ASTN2: variants seen among roughly 807,000 people sequenced by gnomAD.
ASTN2 encodes the protein astrotactin-2.
In ASTN2, 54 loss-of-function variants were observed where a neutral mutation model predicts 139.8. The observed-to-expected ratio is 0.39, with a 90% CI of 0.31 to 0.48. The LOEUF (loss-of-function observed/expected upper bound fraction) is 0.48. Ranked by LOEUF, ASTN2 falls within the 20% of genes least tolerant of loss-of-function variation. The pLI, the probability that ASTN2 is intolerant of heterozygous loss-of-function variation, is 0.95. For synonymous variants in ASTN2, 756 were observed against 719.5 expected, an observed-to-expected ratio of 1.05 and a Z score of -0.81; for missense variants, 1,565 against 1,725.1, an observed-to-expected ratio of 0.91 and a Z score of 1.64.
At chr9:117,069,386 A>G (rs202153034) in intron 5 of ASTN2, among the ~76,000 whole-genome samples, 11,732 of 49,490 alleles carry the variant, frequency 0.24, 159 homozygotes, top group East Asian at 0.31. Context: ...GTTTGTTATA[A>G]TTTCTGTTCT....
chr9:116,722,891 C>T (rs1351612457), intron 16 of ASTN2, among the ~76,000 whole-genome samples: 2 of 152,114 alleles, frequency 1.3e-5, no homozygotes, highest in Non-Finnish European at 2.9e-5. Context: ...AGAGGCTGGG[C>T]GCTGTGGCTT....
intron 13 of ASTN2, among the ~76,000 whole-genome samples, chr9:116,780,586 G>C (rs897828003): frequency 2.0e-5 from 3 of 152,156 alleles, no homozygotes; most frequent in Non-Finnish European, 4.4e-5. Context: ...GGGGAGAAGA[G>C]AGAAGGCTGT....
chr9:117,384,285 T>C (rs1298680622), intron 1 of ASTN2, among the ~76,000 whole-genome samples: 1 of 152,180 alleles, frequency 6.6e-6, no homozygotes, highest in Non-Finnish European at 1.5e-5. Context: ...GAAAGTGAGG[T>C]GGTTGATTAG....
At chr9:117,352,257 T>C (rs1829414466) in intron 1 of ASTN2, among the ~76,000 whole-genome samples, 1 of 152,188 alleles carries the variant, frequency 6.6e-6, no homozygotes, top group Admixed American at 6.5e-5. Flanking sequence ...TATGACTTCA[T>C]CTACCTTTAA....
At position 116,509,062 on chromosome 9, in the gene ASTN2, G is replaced by A. The variant is rs557205189; in HGVS notation, c.3356-21562C>T. On this transcript the variant is annotated intron_variant, in intron 19 of 22. Transcript: ENST00000313400. Reference sequence around the variant, plus strand: ...CTAGGGTACATGCGTACAACGTGCAGGTTAGTTACATATGTATACATGTGC... The same window carrying A: ...CTAGGGTACATGCGTACAACGTGCAAGTTAGTTACATATGTATACATGTGC... 4.6e-5 allele frequency among the ~76,000 whole-genome samples: 7 copies of A among 152,188 alleles called. No homozygotes were observed. In the East Asian group the frequency reaches 1.4e-3, roughly 29 times the overall value.
At chr9:117,294,735 A>C (rs1834685824) in intron 1 of ASTN2, among the ~76,000 whole-genome samples, 6 of 152,164 alleles carry the variant, frequency 3.9e-5, no homozygotes, top group Admixed American at 3.3e-4. Context: ...TATCGGGACT[A>C]TCTTCTACCA....
chr9:117,104,310 G>A (rs1282085049), intron 4 of ASTN2, among the ~76,000 whole-genome samples: 2 of 152,092 alleles, frequency 1.3e-5, no homozygotes, highest in Non-Finnish European at 2.9e-5. Context: ...TCTTTCATAA[G>A]ACCATTGAAA....
At chr9:116,837,513 C>A (rs1192589512) in intron 11 of ASTN2, among the ~76,000 whole-genome samples, 1 of 152,200 alleles carries the variant, frequency 6.6e-6, no homozygotes, top group Non-Finnish European at 1.5e-5. Context: ...TACTGTGAAC[C>A]TGCTCTTTGC....
At chr9:117,132,405 C>T (rs1249088064) in intron 4 of ASTN2, among the ~76,000 whole-genome samples, 1 of 134,114 alleles carries the variant, frequency 7.5e-6, no homozygotes, top group East Asian at 2.3e-4. Flanking sequence ...GCTAACATAG[C>T]ATTATTACCA....
chr9:116,559,231 A>G (rs955043406), intron 19 of ASTN2, among the ~76,000 whole-genome samples: 35 of 152,316 alleles, frequency 2.3e-4, no homozygotes, highest in African/African-American at 8.2e-4. Flanking sequence ...GTTACACTGT[A>G]AATCCCTTGC....
intron 6 of ASTN2, among the ~76,000 whole-genome samples, chr9:117,012,679 C>T (rs1330228471): frequency 6.6e-6 from 1 of 152,174 alleles, no homozygotes; most frequent in Non-Finnish European, 1.5e-5. Context: ...TTAAGCTATA[C>T]CTTGAAGGAT....
chr9:116,778,632 T>TATAG (rs1830144017), intron 13 of ASTN2, among the ~76,000 whole-genome samples: 3 of 152,176 alleles, frequency 2.0e-5, no homozygotes. Flanking sequence ...GATGACTAGC[T>TATAG]ATAGCTCCTT....
At chr9:116,948,959 T>C (rs1304599218) in intron 10 of ASTN2, among the ~76,000 whole-genome samples, 1 of 151,468 alleles carries the variant, frequency 6.6e-6, no homozygotes, top group Non-Finnish European at 1.5e-5. Flanking sequence ...CATTGGCTAA[T>C]TTTTTATTTT....
At chr9:117,133,676 T>C (rs1409138056) in intron 4 of ASTN2, among the ~76,000 whole-genome samples, 1 of 152,112 alleles carries the variant, frequency 6.6e-6, no homozygotes, top group Admixed American at 6.5e-5. Flanking sequence ...GAATAAAAGA[T>C]AGTAAATGAC....
At chr9:117,035,087 A>G (rs1838345952) in intron 6 of ASTN2, among the ~76,000 whole-genome samples, 1 of 152,152 alleles carries the variant, frequency 6.6e-6, no homozygotes, top group Non-Finnish European at 1.5e-5. Context: ...ATGGTAGCTG[A>G]GAGCTCTCTC....
At chr9:117,238,754 T>C (rs1203943827) in intron 2 of ASTN2, among the ~76,000 whole-genome samples, 1 of 152,198 alleles carries the variant, frequency 6.6e-6, no homozygotes, top group Non-Finnish European at 1.5e-5. Context: ...TGAATGTTGG[T>C]GCCTAGCTCC....
intron 13 of ASTN2, among the ~76,000 whole-genome samples, chr9:116,764,096 C>T (rs4836849): frequency 0.43 from 65,293 of 151,902 alleles, 14,193 homozygotes; most frequent in South Asian, 0.61. Flanking sequence ...AGAGAGCTGA[C>T]CAGAGAAATC....
At chr9:117,017,842 G>T (rs1837761503) in intron 6 of ASTN2, among the ~76,000 whole-genome samples, 1 of 151,766 alleles carries the variant, frequency 6.6e-6, no homozygotes, top group Admixed American at 6.6e-5. Context: ...ATACACACTT[G>T]TACATACACA....
chr9:117,172,046 G>T (rs1830807279), intron 3 of ASTN2, among the ~76,000 whole-genome samples: 1 of 152,120 alleles, frequency 6.6e-6, no homozygotes, highest in Non-Finnish European at 1.5e-5. Context: ...CTGTAGGATC[G>T]CATATCTATG....
Sources: gnomAD v4.1 joint callset for allele counts (sites outside exome capture counted in the v4.1 genomes callset) on GRCh38, gnomAD v4.1.1 for gene constraint, MANE v1.5 for transcripts, NCBI Gene and HGNC (gene_info 2026-07-23, HGNC 2026-07-21) for gene names.